KHDRBS2: variants seen among roughly 807,000 people sequenced by gnomAD.
The protein encoded by KHDRBS2 is KH RNA binding domain containing, signal transduction associated 2.
In KHDRBS2, 26 loss-of-function variants were observed where a neutral mutation model predicts 44.3. The observed-to-expected ratio is 0.59, with a 90% CI of 0.43 to 0.81. The LOEUF (loss-of-function observed/expected upper bound fraction) is 0.81, where lower values mean the gene tolerates loss of function less well. KHDRBS2 is among the 40% of genes least tolerant of loss of function. The pLI is 0.00. For synonymous variants in KHDRBS2, 194 were observed against 151.1 expected (o/e 1.28, Z -2.08); for missense variants, 476 against 433.1 (o/e 1.10, Z -0.88).
At chr6:61,567,491 A>G in the KHDRBS2 span, among the ~76,000 whole-genome samples, 1 of 152,164 alleles carries the variant, frequency 6.6e-6, no homozygotes, top group South Asian at 2.1e-4. Context: ...AAAATAAAAA[A>G]TTAGCCAGGC....
At chr6:61,949,553 A>G (rs1437170964) in intron 4 of KHDRBS2, among the ~76,000 whole-genome samples, 1 of 152,046 alleles carries the variant, frequency 6.6e-6, no homozygotes, top group East Asian at 1.9e-4. Flanking sequence ...TTTTTTTCAA[A>G]AAGTTTTGCC....
At chr6:61,562,436 A>G in the KHDRBS2 span, among the ~76,000 whole-genome samples, 1 of 152,180 alleles carries the variant, frequency 6.6e-6, no homozygotes, top group Non-Finnish European at 1.5e-5. Flanking sequence ...AATACATATT[A>G]AAAATAAGAG....
At chr6:62,242,163 A>G (rs1411387448) in intron 1 of KHDRBS2, among the ~76,000 whole-genome samples, 2 of 152,208 alleles carry the variant, frequency 1.3e-5, no homozygotes, top group Non-Finnish European at 2.9e-5. Context: ...AAGGGTACAG[A>G]GGATAAAACT....
intron 2 of KHDRBS2, among the ~76,000 whole-genome samples, chr6:62,097,334 T>C (rs1000448391): frequency 6.6e-6 from 1 of 151,986 alleles, no homozygotes; most frequent in African/African-American, 2.4e-5. Flanking sequence ...GGTATTAAAG[T>C]CCCCTACTAT....
At chr6:61,800,696 G>A (rs1416261185) in intron 6 of KHDRBS2, among the ~76,000 whole-genome samples, 1 of 152,006 alleles carries the variant, frequency 6.6e-6, no homozygotes, top group Non-Finnish European at 1.5e-5. Context: ...GCCTTCATGT[G>A]TCCACCCTTA....
Position 62,177,211 on chromosome 6 carries a change from G to C in KHDRBS2, c.193C>G (p.Leu65Val). Residue 65 changes from leucine (L) to valine (V), a missense_variant, in exon 2 of 9, where the codon CTG (leucine) becomes GTG (valine). Transcript: ENST00000281156. ...NKNIKLSERV[L>V]IPVKQYPKFN... ...TTTGGATACTGCTTGACAGGAATCA[G>C]TACTCTTTCTGAGAGCTTTATGTTT... 6.3e-7 allele frequency: 1 copy of C among 1,586,804 alleles called. No homozygotes were observed. Among genetic ancestry groups the C allele is most frequent in the Non-Finnish European group, 8.6e-7 (1 of 1,157,618 alleles).
chr6:62,108,332 A>G (rs1804040759), intron 2 of KHDRBS2, among the ~76,000 whole-genome samples: 1 of 152,238 alleles, frequency 6.6e-6, no homozygotes. Context: ...CAGCCAAAAA[A>G]ACACATGAAA....
chr6:62,102,880 T>G (rs1802224297), intron 2 of KHDRBS2, among the ~76,000 whole-genome samples: 1 of 152,104 alleles, frequency 6.6e-6, no homozygotes, highest in Admixed American at 6.5e-5. Flanking sequence ...AAATTTTTTG[T>G]GCCACATCCA....
chr6:62,071,155 T>C (rs1369896332), intron 2 of KHDRBS2, among the ~76,000 whole-genome samples: 4 of 152,208 alleles, frequency 2.6e-5, no homozygotes, highest in Non-Finnish European at 4.4e-5. Context: ...GAAGTTTCTG[T>C]TCATGTCCTT....
downstream of KHDRBS2, chr6:61,679,086 A>G (rs1766102402): frequency 6.6e-6 from 1 of 151,954 alleles, no homozygotes; most frequent in Admixed American, 6.6e-5. Flanking sequence ...AGCTGCAAAA[A>G]CTGAACAGCA....
At chr6:62,020,298 G>T (rs538208056) in intron 3 of KHDRBS2, among the ~76,000 whole-genome samples, 84 of 152,010 alleles carry the variant, frequency 5.5e-4, no homozygotes, top group African/African-American at 2.0e-3. Flanking sequence ...TAATTTATGT[G>T]GTCAGACAAT....
At chr6:62,281,256 C>T (rs529384255) in intron 1 of KHDRBS2, among the ~76,000 whole-genome samples, 4 of 152,078 alleles carry the variant, frequency 2.6e-5, no homozygotes, top group Non-Finnish European at 5.9e-5. Context: ...GTTTATTTTA[C>T]TTATTTTCTC....
At chr6:61,812,952 A>C (rs1192054420) in intron 6 of KHDRBS2, among the ~76,000 whole-genome samples, 1 of 152,078 alleles carries the variant, frequency 6.6e-6, no homozygotes, top group Non-Finnish European at 1.5e-5. Flanking sequence ...AATTTAAGTT[A>C]CTTGAAGACA....
chr6:62,001,552 C>T (rs1778245899), intron 3 of KHDRBS2, among the ~76,000 whole-genome samples: 1 of 151,730 alleles, frequency 6.6e-6, no homozygotes, highest in African/African-American at 2.4e-5. Context: ...TACAGAAAAC[C>T]AAGACAACAA....
At chr6:62,068,195 C>T (rs1402906292) in intron 2 of KHDRBS2, among the ~76,000 whole-genome samples, 4 of 151,448 alleles carry the variant, frequency 2.6e-5, no homozygotes, top group East Asian at 2.0e-4. Context: ...TCGGTCAACA[C>T]TTGTAATTGT....
At chr6:62,254,200 A>T (rs1369326067) in intron 1 of KHDRBS2, among the ~76,000 whole-genome samples, 1 of 152,060 alleles carries the variant, frequency 6.6e-6, no homozygotes, top group African/African-American at 2.4e-5. Flanking sequence ...CAGAGCACAG[A>T]ATACTTTATA....
chr6:62,173,196 G>GAA (rs888509563), intron 2 of KHDRBS2, among the ~76,000 whole-genome samples: 8 of 123,478 alleles, frequency 6.5e-5, no homozygotes, highest in African/African-American at 2.4e-4. Context: ...GACTAATAAA[G>GAA]AAAAAAAAAA....
intron 2 of KHDRBS2, among the ~76,000 whole-genome samples, chr6:62,163,240 T>C (rs1416501571): frequency 6.6e-6 from 1 of 152,146 alleles, no homozygotes; most frequent in Admixed American, 6.6e-5. Flanking sequence ...TCAATAATAG[T>C]TAAAGACAGA....
intron 1 of KHDRBS2, among the ~76,000 whole-genome samples, chr6:62,204,504 TCTAAACATCTG>T (rs1415555701): frequency 6.6e-6 from 1 of 152,108 alleles, no homozygotes; most frequent in African/African-American, 2.4e-5. Flanking sequence ...GCATCCAAAA[TCTAAACATCTG>T]CAAAATGTTT....
Sources: allele counts gnomAD v4.1 joint callset (sites outside exome capture counted in the v4.1 genomes callset), GRCh38; gene constraint gnomAD v4.1.1; transcripts MANE v1.5; gene names NCBI Gene and HGNC (gene_info 2026-07-23, HGNC 2026-07-21).